SYCP1: variants seen among roughly 807,000 people sequenced by gnomAD.
The protein encoded by SYCP1 is synaptonemal complex protein 1.
Under a neutral mutation model 153.1 loss-of-function variants are expected in SYCP1, and 64 were observed. The observed-to-expected ratio is 0.42, with a 90% CI of 0.34 to 0.51. The LOEUF is 0.51. SYCP1 is among the 20% of genes least tolerant of loss of function. SYCP1 has a pLI of 0.06. For synonymous variants in SYCP1, 384 were observed against 341.8 expected (o/e 1.12, Z -1.36); for missense variants, 997 against 1,049.0 (o/e 0.95, Z 0.68).
chr1:114,854,518 A>G (rs1000039849), upstream of SYCP1, among the ~76,000 whole-genome samples: 3 of 152,212 alleles, frequency 2.0e-5, no homozygotes, highest in East Asian at 1.9e-4. Flanking sequence ...TGACTCCCCA[A>G]GCCACCCTAA....
intron 23 of SYCP1, among the ~76,000 whole-genome samples, chr1:114,937,989 T>C (rs1310382428): frequency 6.6e-6 from 1 of 152,172 alleles, no homozygotes; most frequent in South Asian, 2.1e-4. Flanking sequence ...GACAGTGTGG[T>C]GATTCCTCAG....
In SYCP1 at chr1:114,981,437, T is replaced by C. The variant is rs199708232; in HGVS notation, c.2484T>C (p.Asp828=). The C allele has an allele frequency of 5.9e-5, 95 of 1,610,544 alleles. No individual in the cohort carries two copies. The African/African-American group carries it at 8.0e-4, about 14-fold the overall frequency. ...QTVSRNFTSV[D]HGISKDKRDY... ...TATCTCGAAATTTCACATCAGTTGA[T>C]CATGGCATATCCAAAGATAAAAGAG... Residue 828 remains aspartate (D), a synonymous_variant, in exon 29 of 32, where the codon GAT becomes GAC. Transcript: ENST00000369522.
intron 20 of SYCP1, among the ~76,000 whole-genome samples, chr1:114,914,386 G>A (rs2101685954): frequency 6.6e-6 from 1 of 151,166 alleles, no homozygotes; most frequent in Admixed American, 6.6e-5. Flanking sequence ...TAATACTAGA[G>A]TATTTATACC....
At chr1:114,864,464 C>T (rs1664593266) in intron 8 of SYCP1, among the ~76,000 whole-genome samples, 1 of 151,934 alleles carries the variant, frequency 6.6e-6, no homozygotes, top group Non-Finnish European at 1.5e-5. Flanking sequence ...GTACTCCACT[C>T]AGGATACTTT....
chr1:114,944,748 C>T, intron 24 of SYCP1, 124 bp from the exon 25 acceptor site: 2 of 753,824 alleles, frequency 2.7e-6, no homozygotes, highest in Non-Finnish European at 4.3e-6. Context: ...GCATTTTCTA[C>T]TTGTTTTTCC....
At chr1:114,864,188 T>G (rs1266915067) in intron 8 of SYCP1, among the ~76,000 whole-genome samples, 4 of 151,672 alleles carry the variant, frequency 2.6e-5, no homozygotes. Flanking sequence ...CATTAATGAA[T>G]AAATAAAATA....
At chr1:114,954,498 A>AT (rs1354846521) in intron 27 of SYCP1, among the ~76,000 whole-genome samples, 3 of 151,330 alleles carry the variant, frequency 2.0e-5, no homozygotes, top group Non-Finnish European at 4.4e-5. Context: ...ATTAATAAAT[A>AT]CAATAATAAT....
chr1:114,980,509 T>G (rs1673080536), intron 28 of SYCP1, among the ~76,000 whole-genome samples: 1 of 151,950 alleles, frequency 6.6e-6, no homozygotes, highest in African/African-American at 2.4e-5. Context: ...ATTCTTTACT[T>G]TCATAATTAT....
At chr1:114,922,884 C>A (rs946114916) in intron 20 of SYCP1, among the ~76,000 whole-genome samples, 1 of 152,146 alleles carries the variant, frequency 6.6e-6, no homozygotes, top group Admixed American at 6.6e-5. Flanking sequence ...TTCCAAGATA[C>A]AATTGATAAA....
intron 23 of SYCP1, among the ~76,000 whole-genome samples, chr1:114,926,883 T>A (rs1271890125): frequency 6.6e-6 from 1 of 152,160 alleles, no homozygotes; most frequent in Non-Finnish European, 1.5e-5. Context: ...GTAAGTGGAA[T>A]GGATTCTTGG....
intron 27 of SYCP1, among the ~76,000 whole-genome samples, chr1:114,973,534 AG>A (rs1672620681): frequency 6.6e-6 from 1 of 152,090 alleles, no homozygotes; most frequent in Admixed American, 6.6e-5. Context: ...CTATACAAGT[AG>A]TAATAGGGTG....
chr1:114,961,040 G>A (rs1224788788), intron 27 of SYCP1, among the ~76,000 whole-genome samples: 1 of 152,074 alleles, frequency 6.6e-6, no homozygotes, highest in Non-Finnish European at 1.5e-5. Context: ...GCTTGTTATT[G>A]GTCTGTTCAG....
At chr1:114,926,619 G>A in intron 23 of SYCP1, 56 bp downstream of exon 23, 3 of 1,381,620 alleles carry the variant, frequency 2.2e-6, no homozygotes, top group Non-Finnish European at 3.0e-6. Context: ...TGAGAATTTA[G>A]ACATTTTATT....
chr1:114,924,915 G>A (rs1570782483), intron 21 of SYCP1, among the ~76,000 whole-genome samples: 1 of 152,092 alleles, frequency 6.6e-6, no homozygotes, highest in Non-Finnish European at 1.5e-5. Context: ...AAAACTATTG[G>A]AATAGTTCAA....
chr1:114,982,173 T>A (rs987663721), intron 29 of SYCP1, among the ~76,000 whole-genome samples: 1 of 152,028 alleles, frequency 6.6e-6, no homozygotes, highest in Non-Finnish European at 1.5e-5. Context: ...ACAAACAAAT[T>A]TGCTGCCTAC....
At chr1:114,986,498 A>G (rs1673513994) in intron 30 of SYCP1, among the ~76,000 whole-genome samples, 1 of 152,016 alleles carries the variant, frequency 6.6e-6, no homozygotes, top group African/African-American at 2.4e-5. Context: ...GGAGCATCAC[A>G]AACTTGCAAC....
chr1:114,930,298 AAGT>A (rs1669539354), intron 23 of SYCP1, among the ~76,000 whole-genome samples: 1 of 152,030 alleles, frequency 6.6e-6, no homozygotes, highest in African/African-American at 2.4e-5. Flanking sequence ...AATTCACAGA[AAGT>A]AGACAAAAGG....
intron 8 of SYCP1, among the ~76,000 whole-genome samples, chr1:114,869,159 A>G (rs932578100): frequency 6.6e-6 from 1 of 152,138 alleles, no homozygotes; most frequent in African/African-American, 2.4e-5. Flanking sequence ...GTCTTTTCCA[A>G]TTTATGCATT....
At chr1:114,943,603 TG>T (rs778709437) in intron 23 of SYCP1, among the ~76,000 whole-genome samples, 15 of 151,878 alleles carry the variant, frequency 9.9e-5, no homozygotes, top group Non-Finnish European at 1.9e-4. Context: ...AAATTAAGAA[TG>T]TTTTTTATGC....
Sources: allele counts gnomAD v4.1 joint callset (sites outside exome capture counted in the v4.1 genomes callset), GRCh38; gene constraint gnomAD v4.1.1; transcripts MANE v1.5; gene names NCBI Gene and HGNC (gene_info 2026-07-23, HGNC 2026-07-21).